PTPRR: variants seen among roughly 807,000 people sequenced by gnomAD.
The protein encoded by PTPRR is receptor-type tyrosine-protein phosphatase R.
PTPRR carries 38 observed loss-of-function variants against 77.2 expected under a neutral mutation model. The observed-to-expected ratio is 0.49, with a 90% CI of 0.38 to 0.65. PTPRR has a LOEUF of 0.65. Ranked by LOEUF, PTPRR falls within the 30% of genes least tolerant of loss-of-function variation. The pLI, the probability that PTPRR is intolerant of heterozygous loss-of-function variation, is 0.00. For synonymous variants in PTPRR, 299 were observed against 283.1 expected, an observed-to-expected ratio of 1.06 and a Z score of -0.57; for missense variants, 744 against 799.2, an observed-to-expected ratio of 0.93 and a Z score of 0.83.
intron 2 of PTPRR, among the ~76,000 whole-genome samples, chr12:70,834,244 G>A (rs1031765036): frequency 6.6e-6 from 1 of 152,084 alleles, no homozygotes; most frequent in Non-Finnish European, 1.5e-5. Flanking sequence ...TTCATTTTAA[G>A]TTTTTATTTT....
At chr12:70,875,208 A>G (rs1240122413) in intron 2 of PTPRR, among the ~76,000 whole-genome samples, 3 of 152,194 alleles carry the variant, frequency 2.0e-5, no homozygotes, top group Non-Finnish European at 4.4e-5. Context: ...ACTGAGACAG[A>G]AAGGAAAAAT....
rs545719291 is a variant in PTPRR at position 70,902,089 on chromosome 12, G to A, written c.59-9112C>T. ...ATGCTCGACATCACTAATGATCAGG[G>A]AAATGTAAATCAAAACCACAATGCA... On this transcript the variant is annotated intron_variant, in intron 1 of 13. Coordinates refer to ENST00000283228, the MANE Select transcript of PTPRR (RefSeq NM_002849.4). Among the ~76,000 whole-genome samples, 12 of 151,988 alleles carry A rather than the reference G, an allele frequency of 7.9e-5. No individual in the cohort carries two copies. In the South Asian group the frequency reaches 2.5e-3, roughly 31 times the overall value.
chr12:70,737,094 A>G (rs751879121), intron 6 of PTPRR, among the ~76,000 whole-genome samples: 46 of 152,072 alleles, frequency 3.0e-4, no homozygotes, highest in Admixed American at 7.9e-4. Context: ...AGAGGTGCCT[A>G]GGAAGTTATG....
chr12:70,861,373 C>G (rs1892750132), intron 2 of PTPRR, among the ~76,000 whole-genome samples: 1 of 152,030 alleles, frequency 6.6e-6, no homozygotes, highest in African/African-American at 2.4e-5. Flanking sequence ...TTTCCCATTC[C>G]TAGAATTGGT....
intron 5 of PTPRR, among the ~76,000 whole-genome samples, chr12:70,750,412 A>G (rs1890353904): frequency 6.6e-6 from 1 of 152,240 alleles, no homozygotes. Flanking sequence ...TGGAATCAAC[A>G]AAACTATGGG....
At chr12:70,829,763 T>G (rs1892179383) in intron 2 of PTPRR, among the ~76,000 whole-genome samples, 1 of 152,170 alleles carries the variant, frequency 6.6e-6, no homozygotes, top group Admixed American at 6.5e-5. Context: ...CAGTCATGTC[T>G]GTCAGTCAAT....
chr12:70,810,452 G>A (rs926512371), intron 2 of PTPRR, among the ~76,000 whole-genome samples: 11 of 152,078 alleles, frequency 7.2e-5, no homozygotes, highest in African/African-American at 2.2e-4. Context: ...CTAGGTACAC[G>A]CAAAAATTAG....
At chr12:70,646,004 G>A (rs562627227) in intron 13 of PTPRR, among the ~76,000 whole-genome samples, 11 of 152,244 alleles carry the variant, frequency 7.2e-5, no homozygotes, top group African/African-American at 1.2e-4. Flanking sequence ...GCCCGTATCC[G>A]GTCTAATCAG....
chr12:70,856,804 G>A (rs936117463), intron 2 of PTPRR, among the ~76,000 whole-genome samples: 6 of 147,160 alleles, frequency 4.1e-5, no homozygotes, highest in African/African-American at 1.5e-4. Flanking sequence ...GAGGCAGGAA[G>A]AGAGAGAGAG....
chr12:70,826,912 T>C (rs1001899857), intron 2 of PTPRR, among the ~76,000 whole-genome samples: 3 of 152,220 alleles, frequency 2.0e-5, no homozygotes, highest in African/African-American at 7.2e-5. Flanking sequence ...CTTTCTGTCC[T>C]GTGAACATGC....
chr12:70,704,998 CA>C (rs1323456008), intron 6 of PTPRR, among the ~76,000 whole-genome samples: 1 of 151,642 alleles, frequency 6.6e-6, no homozygotes, highest in Non-Finnish European at 1.5e-5. Context: ...TTATTTATGC[CA>C]AAAAATAAAT....
intron 2 of PTPRR, among the ~76,000 whole-genome samples, chr12:70,779,655 C>T (rs1344635828): frequency 6.6e-6 from 1 of 152,050 alleles, no homozygotes; most frequent in Non-Finnish European, 1.5e-5. Flanking sequence ...TCTCTGCTGT[C>T]TCCTCAAGAC....
intron 2 of PTPRR, among the ~76,000 whole-genome samples, chr12:70,847,622 A>AT (rs1334428284): frequency 6.6e-6 from 1 of 152,084 alleles, no homozygotes; most frequent in Non-Finnish European, 1.5e-5. Flanking sequence ...AAGTTTAAAA[A>AT]TTTTTTATTG....
intron 2 of PTPRR, among the ~76,000 whole-genome samples, chr12:70,881,640 A>G (rs1204547744): frequency 2.0e-5 from 3 of 152,246 alleles, no homozygotes; most frequent in African/African-American, 7.2e-5. Flanking sequence ...GGGTCCAAAT[A>G]TGTCACCTAG....
intron 8 of PTPRR, among the ~76,000 whole-genome samples, chr12:70,695,885 G>C (rs1256241164): frequency 6.6e-6 from 1 of 152,074 alleles, no homozygotes; most frequent in East Asian, 1.9e-4. Context: ...TTAAAAATAT[G>C]TTATAGTTTA....
chr12:70,680,647 G>T lies in PTPRR; in HGVS notation c.1497+3480C>A, dbSNP rs188896868. 4.2e-3 allele frequency among the ~76,000 whole-genome samples: 645 copies of T among 152,262 alleles called. 3 individuals carry two copies. The highest frequency in any genetic ancestry group is 0.015 in the African/African-American group (624 of 41,542). The stretch of plus-strand genomic sequence containing the variant: ...GGACCCGCTGTGAGATGCATACATG[G>T]CTGGTGAGCATGCAGCAGCCAGTCT... On this transcript the variant is annotated intron_variant, in intron 10 of 13. Transcript: ENST00000283228.
Position 70,892,817 on chromosome 12 carries a change from T to A in PTPRR, c.219A>T (p.Gln73His), listed in dbSNP as rs1383303996. 6.2e-7 allele frequency: 1 copy of A among 1,613,580 alleles called. No individual in the cohort carries two copies. The highest frequency in any genetic ancestry group is 2.2e-5 in the East Asian group (1 of 44,860). The change falls in exon 2 of 14, where the codon CAA (glutamine) becomes CAT (histidine). Residue 73 changes from glutamine to histidine, a missense_variant. Gln to His is a conservative substitution (Grantham distance 24, BLOSUM62 0). Coordinates refer to ENST00000283228, the MANE Select transcript of PTPRR (RefSeq NM_002849.4). ...RHSYHSSSEA[Q>H]VSKRHQIVNS... ...TGACAATCTGGTGGCGTTTGCTTACTTGAGCTTCGGAAGAGGAATGGTAGC... is the reference window on the plus strand; with the variant it reads ...TGACAATCTGGTGGCGTTTGCTTACATGAGCTTCGGAAGAGGAATGGTAGC...
At chr12:70,880,569 TTGTC>T (rs1893132132) in intron 2 of PTPRR, among the ~76,000 whole-genome samples, 1 of 152,200 alleles carries the variant, frequency 6.6e-6, no homozygotes, top group Admixed American at 6.5e-5. Flanking sequence ...ACTTGTTTTG[TTGTC>T]TTTCTTCGAT....
intron 2 of PTPRR, among the ~76,000 whole-genome samples, chr12:70,867,510 C>T (rs2137086539): frequency 6.6e-6 from 1 of 151,956 alleles, no homozygotes; most frequent in African/African-American, 2.4e-5. Flanking sequence ...AGGAGAACTA[C>T]AAACCACTGC....
Sources: gnomAD v4.1 joint callset for allele counts (sites outside exome capture counted in the v4.1 genomes callset) on GRCh38, gnomAD v4.1.1 for gene constraint, MANE v1.5 for transcripts, NCBI Gene and HGNC (gene_info 2026-07-23, HGNC 2026-07-21) for gene names.